NRG1: variants seen among roughly 807,000 people sequenced by gnomAD.
NRG1 encodes pro-neuregulin-1, membrane-bound isoform.
In NRG1, 18 loss-of-function variants were observed where a neutral mutation model predicts 63.8. That is an observed-to-expected ratio of 0.28 (90% CI 0.19 to 0.42). The LOEUF is 0.42. Among genes scored for constraint, NRG1 ranks in the 10% least tolerant of loss-of-function variants. The pLI, the probability that NRG1 is intolerant of heterozygous loss-of-function variation, is 1.00. For synonymous variants in NRG1, 302 were observed against 301.3 expected, an observed-to-expected ratio of 1.00 and a Z score of -0.02; for missense variants, 762 against 814.7, an observed-to-expected ratio of 0.94 and a Z score of 0.79.
intron 1 of NRG1, among the ~76,000 whole-genome samples, chr8:31,945,341 C>A (rs1298648824): frequency 6.6e-6 from 1 of 152,128 alleles, no homozygotes; most frequent in Non-Finnish European, 1.5e-5. Context: ...ACTAGGCTTT[C>A]TTCTGAGTCC....
At chr8:31,749,030 A>G (rs572420926) in intron 1 of NRG1, among the ~76,000 whole-genome samples, 1 of 152,024 alleles carries the variant, frequency 6.6e-6, no homozygotes, top group African/African-American at 2.4e-5. Flanking sequence ...CATTGGAAGA[A>G]TGGTTAAGTA....
At chr8:32,045,333 A>G (rs1460254736) in intron 1 of NRG1, among the ~76,000 whole-genome samples, 1 of 151,914 alleles carries the variant, frequency 6.6e-6, no homozygotes, top group East Asian at 1.9e-4. Context: ...ATCATAGATG[A>G]CCTAAATGAA....
chr8:31,784,539 C>T (rs1325965143), intron 1 of NRG1, among the ~76,000 whole-genome samples: 1 of 152,178 alleles, frequency 6.6e-6, no homozygotes, highest in Non-Finnish European at 1.5e-5. Flanking sequence ...ACAGGGCTTT[C>T]TGTTGCAAAT....
intron 5 of NRG1, among the ~76,000 whole-genome samples, chr8:32,704,556 C>T (rs1815840890): frequency 6.6e-6 from 1 of 152,136 alleles, no homozygotes. Flanking sequence ...AGTTAAAAAT[C>T]TGTATGAAAA....
At chr8:31,742,148 C>T (rs2131404991) in intron 1 of NRG1, among the ~76,000 whole-genome samples, 1 of 151,992 alleles carries the variant, frequency 6.6e-6, no homozygotes, top group Admixed American at 6.6e-5. Flanking sequence ...AAGCAAAATT[C>T]AGCAACATAG....
chr8:31,863,328 A>G (rs1828646079), intron 1 of NRG1, among the ~76,000 whole-genome samples: 1 of 152,204 alleles, frequency 6.6e-6, no homozygotes, highest in Non-Finnish European at 1.5e-5. Flanking sequence ...TTAAATGGGA[A>G]CTACTACTCT....
chr8:32,123,877 A>C (rs1833781087), intron 1 of NRG1, among the ~76,000 whole-genome samples: 1 of 151,840 alleles, frequency 6.6e-6, no homozygotes, highest in Admixed American at 6.6e-5. Flanking sequence ...CAAGTGAATT[A>C]CTACCTTCTC....
chr8:31,987,859 A>G lies in NRG1; in HGVS notation c.37+348428A>G, dbSNP rs968110470. 3.3e-5 allele frequency among the ~76,000 whole-genome samples: 5 copies of G among 152,262 alleles called. No homozygotes were observed. The East Asian group carries it at 5.8e-4, about 18-fold the overall frequency. ...AATACCAAAATAATTAGAGAGTGGT[A>G]GAGTTCCATCACCAGGTCTTTACCT... On this transcript the variant is annotated intron_variant, in intron 1 of 10. Coordinates refer to the NRG1 transcript ENST00000519301.
intron 1 of NRG1, among the ~76,000 whole-genome samples, chr8:31,846,144 T>A (rs527569522): frequency 6.6e-6 from 1 of 152,354 alleles, no homozygotes; most frequent in South Asian, 2.1e-4. Flanking sequence ...TCACAGATTT[T>A]CATTCATTTC....
In NRG1 at chr8:32,561,798, A is replaced by G. The variant is rs1280837723; in HGVS notation, c.100+12972A>G. Among the ~76,000 whole-genome samples, 3 of 139,288 alleles carry G rather than the reference A, an allele frequency of 2.2e-5. No individual in the cohort carries two copies. The South Asian group carries it at 7.3e-4, about 34-fold the overall frequency. The allele number at this position is 139,288 out of a possible 152,430, so 91.4% of individuals were successfully genotyped here. A position where few individuals can be genotyped will look rare whatever the true frequency, so the allele number is the denominator to read the frequency against. On this transcript the variant is annotated intron_variant, in intron 1 of 11. Coordinates refer to ENST00000356819, the Ensembl canonical transcript of NRG1. ...TAGTCCATTATTAAATTTCCAGGGC[A>G]GTAGTTCAGTTTGCATTAGGGGATT...
At chr8:32,763,995 G>T (rs376858256) in exon 12 of NRG1, 2 of 1,613,980 alleles carry the variant, frequency 1.2e-6, no homozygotes, top group Non-Finnish European at 1.7e-6. Flanking sequence ...CCACAACCCC[G>T]CGCATGACAG....
At chr8:32,343,652 A>G (rs1427418221) in intron 1 of NRG1, among the ~76,000 whole-genome samples, 1 of 152,146 alleles carries the variant, frequency 6.6e-6, no homozygotes, top group Non-Finnish European at 1.5e-5. Context: ...TGTTTTTATT[A>G]CTCAGTGTTT....
At chr8:32,606,333 C>A (rs1436301677) in intron 3 of NRG1, among the ~76,000 whole-genome samples, 8 of 151,558 alleles carry the variant, frequency 5.3e-5, no homozygotes, top group Non-Finnish European at 1.2e-4. Context: ...TTTTTTAGGC[C>A]TATTAATTTT....
chr8:31,824,913 G>A (rs902028140), intron 1 of NRG1, among the ~76,000 whole-genome samples: 1 of 152,146 alleles, frequency 6.6e-6, no homozygotes, highest in Non-Finnish European at 1.5e-5. Flanking sequence ...AGTCACTGAA[G>A]TGAGGAAGAA....
At chr8:32,138,768 A>G (rs533279260) in intron 1 of NRG1, among the ~76,000 whole-genome samples, 2 of 152,164 alleles carry the variant, frequency 1.3e-5, no homozygotes, top group Admixed American at 6.5e-5. Flanking sequence ...GGGTTTCACC[A>G]TATTGGCCAG....
At chr8:32,109,997 A>G (rs888322862) in intron 1 of NRG1, among the ~76,000 whole-genome samples, 2 of 152,164 alleles carry the variant, frequency 1.3e-5, no homozygotes, top group Non-Finnish European at 2.9e-5. Context: ...CCTCTGTTCA[A>G]TGGAACTGAC....
intron 5 of NRG1, among the ~76,000 whole-genome samples, chr8:32,695,866 A>T (rs1029785868): frequency 6.6e-6 from 1 of 152,346 alleles, no homozygotes; most frequent in Admixed American, 6.5e-5. Context: ...TAAGGATATG[A>T]TATAATCAAG....
intron 1 of NRG1, among the ~76,000 whole-genome samples, chr8:32,188,208 A>T (rs1310487435): frequency 6.6e-6 from 1 of 152,062 alleles, no homozygotes; most frequent in African/African-American, 2.4e-5. Context: ...CTGGGATTAC[A>T]GGCATTCACC....
chr8:32,246,615 G>C (rs1484416759), intron 1 of NRG1, among the ~76,000 whole-genome samples: 1 of 152,166 alleles, frequency 6.6e-6, no homozygotes, highest in Non-Finnish European at 1.5e-5. Context: ...ATTTGTAAAT[G>C]ACAAAAGCCT....
Sources: allele counts gnomAD v4.1 joint callset (sites outside exome capture counted in the v4.1 genomes callset), GRCh38; gene constraint gnomAD v4.1.1; transcripts MANE v1.5; gene names NCBI Gene and HGNC (gene_info 2026-07-23, HGNC 2026-07-21).